The following HMGXB3 variants were observed in gnomAD, a reference collection of about 807,000 sequenced individuals.
HMGXB3 encodes HMG domain-containing protein 3.
HMGXB3 carries 45 observed loss-of-function variants against 121.5 expected under a neutral mutation model. The observed-to-expected ratio is 0.37, with a 90% CI of 0.29 to 0.47. HMGXB3 has a LOEUF of 0.47. Among genes scored for constraint, HMGXB3 ranks in the 20% least tolerant of loss-of-function variants. HMGXB3 has a pLI of 0.99. For missense variants in HMGXB3, 1,376 were observed against 1,602.2 expected, an observed-to-expected ratio of 0.86 and a Z score of 2.41; for synonymous variants, 590 against 624.1, an observed-to-expected ratio of 0.95 and a Z score of 0.81.
chr5:150,037,075 G>A (rs549057580), intron 12 of HMGXB3, 138 bp downstream of exon 12: 8 of 798,792 alleles, frequency 1.0e-5, no homozygotes, highest in Middle Eastern at 7.5e-4. Context: ...CTTTCTGATT[G>A]CTGAAAGTAA....
chr5:150,020,866 A>G (rs947352661), intron 6 of HMGXB3, among the ~76,000 whole-genome samples: 11 of 151,230 alleles, frequency 7.3e-5, no homozygotes, highest in Non-Finnish European at 1.5e-4. Flanking sequence ...CAGCCTCCCG[A>G]GTAGCTGGGA....
intron 16 of HMGXB3, among the ~76,000 whole-genome samples, chr5:150,046,705 A>G (rs1041565043): frequency 3.9e-5 from 6 of 151,940 alleles, no homozygotes; most frequent in African/African-American, 7.2e-5. Flanking sequence ...CCAGCTACTC[A>G]GGAGGCTGAG....
In HMGXB3 at chr5:150,010,284, T is replaced by C. The variant is rs1289050114; in HGVS notation, c.486T>C (p.Pro162=). 6.4e-7 allele frequency: 1 copy of C among 1,551,756 alleles called. No homozygotes were observed. Among genetic ancestry groups the C allele is most frequent in the South Asian group, 1.2e-5 (1 of 84,054 alleles). Residue 162 remains proline, a synonymous_variant, in exon 4 of 20, where the codon CCT becomes CCC. Transcript: ENST00000502717. ...ACCAGATGTCCCCGAAAGGACCTCC[T>C]CTTGTGTCCAACACTGCCCCGGAGA... ...AQNQMSPKGP[P]LVSNTAPETV...
intron 19 of HMGXB3, 99 bp downstream of exon 19, chr5:150,050,560 C>A (rs1756866680): frequency 3.4e-6 from 3 of 872,004 alleles, no homozygotes; most frequent in South Asian, 3.2e-5. Context: ...CGGCTCACTG[C>A]AACCTCTGCC....
intron 9 of HMGXB3, 102 bp from the exon 10 acceptor site, chr5:150,030,639 C>A: frequency 1.1e-6 from 1 of 876,078 alleles, no homozygotes; most frequent in Non-Finnish European, 1.8e-6. Flanking sequence ...AATAGCTCTA[C>A]AAATTCCCCG....
At chr5:150,018,459 T>A (rs759018890) in intron 5 of HMGXB3, 107 bp from the exon 6 acceptor site, 43 of 853,886 alleles carry the variant, frequency 5.0e-5, no homozygotes, top group Non-Finnish European at 7.1e-5. Context: ...GATTATGAAT[T>A]GGTTATCTTT....
intron 14 of HMGXB3, among the ~76,000 whole-genome samples, chr5:150,041,532 A>G (rs1287432054): frequency 2.0e-5 from 3 of 152,260 alleles, no homozygotes; most frequent in African/African-American, 7.2e-5. Context: ...ATGACATAAC[A>G]TATCCAAAGC....
chr5:150,033,223 C>T (rs1756422356), intron 11 of HMGXB3, among the ~76,000 whole-genome samples: 1 of 151,892 alleles, frequency 6.6e-6, no homozygotes, highest in Non-Finnish European at 1.5e-5. Flanking sequence ...TTAAAGTGAA[C>T]AGAAAATGGT....
Position 150,041,906 on chromosome 5 carries a change from G to A in HMGXB3, c.2667G>A (p.Val889=). The A allele has an allele frequency of 6.4e-7, 1 of 1,551,728 alleles. No individual in the cohort carries two copies. The highest frequency in any genetic ancestry group is 8.7e-7 in the Non-Finnish European group (1 of 1,146,978). Residue 889 remains valine (V), a synonymous_variant, in exon 15 of 20, where the codon GTG becomes GTA. Coordinates refer to ENST00000502717, the MANE Select transcript of HMGXB3 (RefSeq NM_014983.3). ...YNDMICGICG[V]APKVEMAQRS... ...ACATGATCTGTGGCATCTGTGGTGT[G>A]GCCCCCAAAGTGGAAATGGCTCAGA... is the stretch of plus-strand genomic sequence containing the variant.
At chr5:150,050,686 G>T (rs996610363) in intron 19 of HMGXB3, among the ~76,000 whole-genome samples, 5 of 152,170 alleles carry the variant, frequency 3.3e-5, no homozygotes, top group African/African-American at 1.2e-4. Context: ...TGGCCATTTT[G>T]CCCAGGCCGT....
Position 150,028,495 on chromosome 5 carries a change from A to ATG in HMGXB3, c.1734+1379_1734+1380insGT, listed in dbSNP as rs1756288882. Reference sequence around the variant, plus strand: ...GTGTGTTTGATATATATATGTATATATATGTATGTATGTGTGTGTGTGTGT... The same window carrying ATG: ...GTGTGTTTGATATATATATGTATATATGTATGTATGTATGTGTGTGTGTGTGT... On this transcript the variant is annotated intron_variant, in intron 9 of 19. Transcript: ENST00000502717. Among the ~76,000 whole-genome samples, 3 of 88,190 alleles carry ATG rather than the reference A, an allele frequency of 3.4e-5. No homozygotes were observed. In the Admixed American group the frequency reaches 4.2e-4, roughly 12 times the overall value. 57.9% of individuals were successfully genotyped at this position (88,190 alleles called of 152,430 possible).
intron 5 of HMGXB3, among the ~76,000 whole-genome samples, chr5:150,017,900 AGAT>A (rs547908148): frequency 5.7e-4 from 86 of 152,032 alleles, no homozygotes; most frequent in African/African-American, 2.0e-3. Flanking sequence ...AGATCAGTGG[AGAT>A]GATAAGAGCC....
intron 15 of HMGXB3, among the ~76,000 whole-genome samples, chr5:150,043,584 G>GT (rs754227370): frequency 6.6e-6 from 1 of 152,166 alleles, no homozygotes; most frequent in Non-Finnish European, 1.5e-5. Flanking sequence ...AAACCATTTT[G>GT]TTTGTGTTAT....
chr5:150,016,570 TA>T (rs1755965962), intron 5 of HMGXB3, among the ~76,000 whole-genome samples: 2 of 152,218 alleles, frequency 1.3e-5, no homozygotes, highest in African/African-American at 4.8e-5. Context: ...ATCTAGCTTT[TA>T]AAAATTATTG....
intron 17 of HMGXB3, among the ~76,000 whole-genome samples, chr5:150,048,056 T>G (rs560782368): frequency 6.6e-6 from 1 of 152,372 alleles, no homozygotes; most frequent in South Asian, 2.1e-4. Flanking sequence ...TCATTTTCCT[T>G]GTTTGTAAAA....
At chr5:150,018,887 T>A (rs1465719918) in intron 6 of HMGXB3, among the ~76,000 whole-genome samples, 190 bp downstream of exon 6, 2 of 152,226 alleles carry the variant, frequency 1.3e-5, no homozygotes, top group Non-Finnish European at 2.9e-5. Context: ...TTATCCAAAC[T>A]CATATACCAT....
intron 18 of HMGXB3, among the ~76,000 whole-genome samples, chr5:150,049,514 G>A (rs942630059): frequency 1.3e-5 from 2 of 152,160 alleles, no homozygotes; most frequent in African/African-American, 4.8e-5. Flanking sequence ...AGAGAATCCA[G>A]TTCCCAACTA....
intron 13 of HMGXB3, among the ~76,000 whole-genome samples, chr5:150,038,736 T>C (rs1756556080): frequency 2.0e-5 from 3 of 152,366 alleles, no homozygotes; most frequent in Non-Finnish European, 4.4e-5. Flanking sequence ...TTCAGTAAGT[T>C]AATCCTTTGA....
chr5:150,020,733 T>G (rs1756069861), intron 6 of HMGXB3, among the ~76,000 whole-genome samples: 1 of 149,758 alleles, frequency 6.7e-6, no homozygotes, highest in Admixed American at 6.7e-5. Flanking sequence ...ATACCTGGCT[T>G]TAACTGAAAC....
Sources: allele counts gnomAD v4.1 joint callset (sites outside exome capture counted in the v4.1 genomes callset), GRCh38; gene constraint gnomAD v4.1.1; transcripts MANE v1.5; gene names NCBI Gene and HGNC (gene_info 2026-07-23, HGNC 2026-07-21).